Variants in MORC1 observed in about 807,000 individuals in gnomAD.
The protein encoded by MORC1 is MORC family CW-type zinc finger protein 1.
MORC1 carries 59 observed loss-of-function variants against 134.9 expected under a neutral mutation model. The ratio of observed to expected loss-of-function variants is 0.44; its 90% CI spans 0.35 to 0.54. The LOEUF is 0.54. Among genes scored for constraint, MORC1 ranks in the 20% least tolerant of loss-of-function variants. MORC1 has a pLI of 0.00. For missense variants in MORC1, 947 were observed against 1,134.5 expected (o/e 0.83, Z 2.37); for synonymous variants, 395 against 391.7 (o/e 1.01, Z -0.10).
intron 17 of MORC1, among the ~76,000 whole-genome samples, chr3:109,022,592 C>G (rs1019221706): frequency 6.6e-6 from 1 of 152,188 alleles, no homozygotes; most frequent in South Asian, 2.1e-4. Flanking sequence ...GAATGAAATC[C>G]AAATGCAGTC....
intron 4 of MORC1, chr3:109,101,321 T>C (rs1404359018): frequency 2.0e-5 from 3 of 152,204 alleles, no homozygotes; most frequent in African/African-American, 7.2e-5. Context: ...TCTGCTCTGA[T>C]ACTACCTGGG....
intron 17 of MORC1, among the ~76,000 whole-genome samples, chr3:109,009,197 G>GTTTTTTTTTTTTTTTTTTTTTTTTTT (rs201228015): frequency 7.5e-6 from 1 of 133,810 alleles, no homozygotes; most frequent in African/African-American, 2.8e-5. Context: ...CTATTTTTAC[G>GTTTTTTTTTTTTTTTTTTTTTTTTTT]TTTTTTGTTG....
chr3:109,080,408 G>A (rs1017725187), intron 8 of MORC1, among the ~76,000 whole-genome samples: 1 of 152,040 alleles, frequency 6.6e-6, no homozygotes, highest in African/African-American at 2.4e-5. Context: ...CTCCCACCAG[G>A]TTCCTCCCAC....
At chr3:109,098,796 T>C (rs2107774503) in intron 6 of MORC1, among the ~76,000 whole-genome samples, 1 of 152,304 alleles carries the variant, frequency 6.6e-6, no homozygotes, top group African/African-American at 2.4e-5. Context: ...GCTTCTTTTC[T>C]ACCTTCATAG....
At chr3:109,055,419 C>A (rs13086910) in intron 13 of MORC1, among the ~76,000 whole-genome samples, 33,289 of 152,122 alleles carry the variant, frequency 0.22, 4,659 homozygotes, top group African/African-American at 0.39. Flanking sequence ...AAGAGCATAC[C>A]ACTGTCTAAG....
At position 109,095,076 on chromosome 3, in the gene MORC1, A is replaced by T; in HGVS notation, c.424-8T>A. 6.4e-7 allele frequency: 1 copy of T among 1,563,970 alleles called. No individual in the cohort carries two copies. Among genetic ancestry groups the T allele is most frequent in the Non-Finnish European group, 8.6e-7 (1 of 1,164,230 alleles). On this transcript the variant is annotated splice_region_variant and splice_polypyrimidine_tract_variant and intron_variant, in intron 6 of 27. Coordinates refer to ENST00000232603, the MANE Select transcript of MORC1 (RefSeq NM_014429.4). ...GGGCATTGGAACTACAACCTATTTA[A>T]AAAAAAACACATCAATTTACTATGA...
chr3:108,996,286 G>GCGCGCGCGCACACACACACACACACACA, intron 21 of MORC1, among the ~76,000 whole-genome samples: 360 of 146,440 alleles, frequency 2.5e-3, no homozygotes, highest in Middle Eastern at 0.011. Flanking sequence ...GCGCGCGCGC[G>GCGCGCGCGCACACACACACACACACACA]CACACACACA....
intron 14 of MORC1, among the ~76,000 whole-genome samples, chr3:109,041,390 A>C (rs1283315030): frequency 1.3e-5 from 2 of 151,982 alleles, no homozygotes; most frequent in African/African-American, 2.4e-5. Context: ...AATGAAAACT[A>C]AGTCTAATGA....
At chr3:109,095,867 G>A (rs1209956357) in intron 6 of MORC1, among the ~76,000 whole-genome samples, 1 of 151,970 alleles carries the variant, frequency 6.6e-6, no homozygotes. Context: ...TCACATTATT[G>A]TGACAATCAT....
chr3:108,986,634 AG>A (rs1947900990), intron 22 of MORC1, among the ~76,000 whole-genome samples: 2 of 152,156 alleles, frequency 1.3e-5, no homozygotes, highest in Admixed American at 1.3e-4. Flanking sequence ...TGGAAATTTC[AG>A]GCAGTGTGGC....
At position 108,963,492 on chromosome 3, in the gene MORC1, T is replaced by C. The variant is rs1313036390; in HGVS notation, c.2721A>G (p.Glu907=). 1 of 1,612,980 alleles carries C rather than the reference T, an allele frequency of 6.2e-7. No homozygotes were observed. Among genetic ancestry groups the C allele is most frequent in the African/African-American group, 1.3e-5 (1 of 75,032 alleles). The change falls in exon 27 of 28, where the codon GAA becomes GAG. Residue 907 remains glutamate (E), a synonymous_variant. Coordinates refer to ENST00000232603, the MANE Select transcript of MORC1 (RefSeq NM_014429.4). ...TATCCTCAGAGATTTTTCTTTTATT[T>C]TCACATTGCCCCAGAGAGATTTCAT... ...IHNEISLGQC[E]NKRKISEDKL...
intron 14 of MORC1, among the ~76,000 whole-genome samples, chr3:109,053,459 AT>A (rs1475447004): frequency 6.6e-6 from 1 of 152,130 alleles, no homozygotes; most frequent in Non-Finnish European, 1.5e-5. Flanking sequence ...AAAGAATGAA[AT>A]TGTGTCCTTT....
intron 14 of MORC1, among the ~76,000 whole-genome samples, chr3:109,037,171 A>G (rs181560846): frequency 4.1e-4 from 62 of 152,238 alleles, no homozygotes; most frequent in African/African-American, 1.4e-3. Flanking sequence ...ACAGGGATCC[A>G]CCATTCTTAT....
At chr3:108,998,655 G>C (rs955377576) in intron 21 of MORC1, among the ~76,000 whole-genome samples, 2 of 152,090 alleles carry the variant, frequency 1.3e-5, no homozygotes, top group African/African-American at 4.8e-5. Context: ...TTAATTTCTA[G>C]GTTTAAGAAA....
intron 3 of MORC1, among the ~76,000 whole-genome samples, chr3:109,105,884 C>T (rs1951023447): frequency 6.6e-6 from 1 of 152,032 alleles, no homozygotes; most frequent in South Asian, 2.1e-4. Flanking sequence ...TTTCATTTTC[C>T]CAGTTCCTTC....
intron 8 of MORC1, among the ~76,000 whole-genome samples, chr3:109,073,758 T>C (rs926215963): frequency 6.6e-5 from 10 of 152,212 alleles, no homozygotes; most frequent in Admixed American, 2.6e-4. Flanking sequence ...TGAAGACTTT[T>C]TGAAGTTGAA....
At chr3:108,983,024 C>A (rs1017588) in intron 23 of MORC1, among the ~76,000 whole-genome samples, 147,229 of 150,550 alleles carry the variant, frequency 0.98, 72,093 homozygotes, top group Middle Eastern at 1. Context: ...AACAGTGATT[C>A]CAAAAAAAAA....
rs956729791 is a variant in MORC1, at chr3:109,049,245, A to G, written c.1330+5483T>C. The G allele has an allele frequency of 1.2e-5, 6 of 482,842 alleles. No individual in the cohort carries two copies. In the Admixed American group the frequency reaches 3.2e-4, roughly 26 times the overall value. 29.9% of individuals were successfully genotyped at this position (482,842 alleles called of 1,614,324 possible). A position where few individuals can be genotyped will look rare whatever the true frequency, so the allele number is the denominator to read the frequency against. ...AATTCTGTTGTGAGCAACTAGCTAC[A>G]TCCAGGTACTACAGCATTGTCTATG... On this transcript the variant is annotated intron_variant, in intron 14 of 27. Transcript: ENST00000232603.
intron 14 of MORC1, among the ~76,000 whole-genome samples, chr3:109,053,422 T>C (rs1207986967): frequency 1.3e-5 from 2 of 152,022 alleles, no homozygotes; most frequent in Non-Finnish European, 2.9e-5. Flanking sequence ...GGCACACATA[T>C]GCCATGGAAT....
Sources: allele counts gnomAD v4.1 joint callset (sites outside exome capture counted in the v4.1 genomes callset), GRCh38; gene constraint gnomAD v4.1.1; transcripts MANE v1.5; gene names NCBI Gene and HGNC (gene_info 2026-07-23, HGNC 2026-07-21).